MITF: variants seen among roughly 807,000 people sequenced by gnomAD.
The protein encoded by MITF is melanocyte inducing transcription factor.
A neutral mutation model predicts 60.5 loss-of-function variants in MITF; 17 were observed. That is an observed-to-expected ratio of 0.28 (90% confidence interval 0.19 to 0.42). The LOEUF (loss-of-function observed/expected upper bound fraction) is 0.42, where lower values mean the gene tolerates loss of function less well. Ranked by LOEUF, MITF falls within the 10% of genes least tolerant of loss-of-function variation. The pLI is 1.00. For missense variants in MITF, 622 were observed against 683.5 expected (o/e 0.91, Z 1.00); for synonymous variants, 260 against 248.5 (o/e 1.05, Z -0.43).
intron 1 of MITF, among the ~76,000 whole-genome samples, chr3:69,781,612 A>C (rs1270335804): frequency 6.6e-6 from 1 of 152,168 alleles, no homozygotes; most frequent in Admixed American, 6.5e-5. Context: ...TTTTTCCGAT[A>C]AAGGGCCATT....
At chr3:69,780,584 A>G (rs2062547338) in intron 1 of MITF, among the ~76,000 whole-genome samples, 2 of 152,170 alleles carry the variant, frequency 1.3e-5, no homozygotes, top group Non-Finnish European at 2.9e-5. Flanking sequence ...TGGAATTGCC[A>G]TTAGATGATG....
At chr3:69,884,541 A>G (rs193130135) in intron 2 of MITF, among the ~76,000 whole-genome samples, 93 of 152,260 alleles carry the variant, frequency 6.1e-4, no homozygotes, top group African/African-American at 1.9e-3. Context: ...ATGTGTAAGT[A>G]TGTACCAGCT....
At chr3:69,806,250 AATTTTTGT>A (rs903248711) in intron 1 of MITF, among the ~76,000 whole-genome samples, 33 of 151,850 alleles carry the variant, frequency 2.2e-4, no homozygotes, top group Admixed American at 1.4e-3. Flanking sequence ...ATGCCTGGCT[AATTTTTGT>A]ATTTTTTTGG....
chr3:69,846,485 G>A (rs1040207996), intron 1 of MITF, among the ~76,000 whole-genome samples: 1 of 152,104 alleles, frequency 6.6e-6, no homozygotes, highest in Non-Finnish European at 1.5e-5. Context: ...TATTTGTGCA[G>A]TTAACAGATA....
chr3:69,932,522 C>T (rs372464520), intron 2 of MITF, among the ~76,000 whole-genome samples: 6 of 152,106 alleles, frequency 3.9e-5, no homozygotes, highest in East Asian at 3.9e-4. Context: ...ATAGCCATTT[C>T]GAACCTTTCT....
chr3:69,949,035 G>C lies in MITF; in HGVS notation c.763-16G>C, dbSNP rs548789546. 8.3e-6 allele frequency: 13 copies of C among 1,570,424 alleles called. No individual in the cohort carries two copies. In the East Asian group the frequency reaches 2.5e-4, roughly 30 times the overall value. ...TGTTCAACAGTTAATTTCTGTTACTGTTTGTCTCTCTCTAGTTGCCTGTCT... is the reference window on the plus strand; with the variant it reads ...TGTTCAACAGTTAATTTCTGTTACTCTTTGTCTCTCTCTAGTTGCCTGTCT... On this transcript the variant is annotated splice_polypyrimidine_tract_variant and intron_variant, in intron 5 of 9. Transcript: ENST00000352241.
intron 1 of MITF, among the ~76,000 whole-genome samples, chr3:69,842,481 G>A (rs1028793462): frequency 2.0e-5 from 3 of 152,138 alleles, no homozygotes; most frequent in Non-Finnish European, 4.4e-5. Flanking sequence ...ATTATGCAGT[G>A]GTAGAAGGAA....
intron 2 of MITF, chr3:69,936,864 C>G: frequency 9.8e-7 from 1 of 1,023,572 alleles, no homozygotes; most frequent in Non-Finnish European, 1.5e-6. Context: ...AAGTATAAAT[C>G]TGCTCTTTTA....
intron 2 of MITF, chr3:69,936,810 T>C: frequency 3.9e-6 from 6 of 1,528,924 alleles, no homozygotes; most frequent in Non-Finnish European, 5.4e-6. Context: ...AATAAATTGA[T>C]TTAATCCACT....
Position 69,871,014 on chromosome 3 carries a change from C to G in MITF, c.105-8120C>G, listed in dbSNP as rs868356129. The stretch of plus-strand genomic sequence containing the variant: ...TAAGAAAAAATGGAGTTTGATTGGC[C>G]CTCGTGAAGTCCTTGTCCAGGGTTA... On this transcript the variant is annotated intron_variant, in intron 1 of 9. Transcript: ENST00000352241. Among the ~76,000 whole-genome samples the G allele has an allele frequency of 2.0e-5, 3 of 152,062 alleles. No individual in the cohort carries two copies. The South Asian group carries it at 6.2e-4, about 32-fold the overall frequency.
At chr3:69,787,540 T>C (rs568665882) in intron 1 of MITF, among the ~76,000 whole-genome samples, 5 of 152,232 alleles carry the variant, frequency 3.3e-5, no homozygotes, top group Non-Finnish European at 7.3e-5. Context: ...TTCCACTTTT[T>C]GAAAAGTCTT....
Position 69,968,065 on chromosome 3 carries a change from A to G in MITF, c.*2817A>G, listed in dbSNP as rs1387871221. ...CATAGGAAGTTAAAAGCACAAAGGAATGAACTTATTAATATTTTTGAAAAA... is the reference window on the plus strand; with the variant it reads ...CATAGGAAGTTAAAAGCACAAAGGAGTGAACTTATTAATATTTTTGAAAAA... On this transcript the variant is annotated 3_prime_UTR_variant, in exon 10 of 10. Coordinates refer to ENST00000352241, the MANE Select transcript of MITF (RefSeq NM_001354604.2). 1 of 233,592 alleles carries G rather than the reference A, an allele frequency of 4.3e-6. No individual in the cohort carries two copies. The highest frequency in any genetic ancestry group is 8.5e-6 in the Non-Finnish European group (1 of 117,962). 14.5% of individuals were successfully genotyped at this position (233,592 alleles called of 1,614,324 possible). A position where few individuals can be genotyped will look rare whatever the true frequency, so the allele number is the denominator to read the frequency against.
Position 69,793,213 on chromosome 3 carries a change from G to A in MITF, c.104+53512G>A, listed in dbSNP as rs180808334. On this transcript the variant is annotated intron_variant, in intron 1 of 9. Transcript: ENST00000352241. ...GTATTTTTTGTAGAGATGGGGTTTC[G>A]CCATGTTGCCCAGGCTGGTCTTGAA... 4.7e-3 allele frequency among the ~76,000 whole-genome samples: 709 copies of A among 151,670 alleles called. 9 individuals carry two copies. The highest frequency in any genetic ancestry group is 0.017 in the African/African-American group (684 of 41,382).
intron 1 of MITF, among the ~76,000 whole-genome samples, chr3:69,756,162 A>C (rs1002782880): frequency 2.6e-5 from 4 of 152,104 alleles, no homozygotes; most frequent in African/African-American, 2.4e-5. Flanking sequence ...CATGTGCAGA[A>C]TGTGCAGGTT....
At chr3:69,955,588 T>C (rs568651066) in intron 7 of MITF, among the ~76,000 whole-genome samples, 7 of 152,000 alleles carry the variant, frequency 4.6e-5, no homozygotes, top group Non-Finnish European at 7.4e-5. Context: ...CTGAGGCGGA[T>C]AGATCACTTG....
chr3:69,785,624 A>G (rs2106893167), intron 1 of MITF, among the ~76,000 whole-genome samples: 1 of 152,268 alleles, frequency 6.6e-6, no homozygotes, highest in Admixed American at 6.5e-5. Context: ...TCCTTAAATC[A>G]CATCAGAACT....
At chr3:69,789,051 G>A (rs140752737) in intron 1 of MITF, among the ~76,000 whole-genome samples, 198 of 152,138 alleles carry the variant, frequency 1.3e-3, no homozygotes, top group African/African-American at 4.2e-3. Flanking sequence ...TTTATTGTAT[G>A]TAACACCAAA....
At chr3:69,824,905 G>A (rs2063331145) in intron 1 of MITF, among the ~76,000 whole-genome samples, 1 of 152,190 alleles carries the variant, frequency 6.6e-6, no homozygotes, top group Non-Finnish European at 1.5e-5. Context: ...CAACTTCCCT[G>A]CCTCCAGATT....
At chr3:69,860,775 C>T (rs139721465) in intron 1 of MITF, among the ~76,000 whole-genome samples, 3 of 152,286 alleles carry the variant, frequency 2.0e-5, no homozygotes, top group East Asian at 1.9e-4. Context: ...TGGGCTGCAT[C>T]CCAATCAGGT....
Sources: allele counts gnomAD v4.1 joint callset (sites outside exome capture counted in the v4.1 genomes callset), GRCh38; gene constraint gnomAD v4.1.1; transcripts MANE v1.5; gene names NCBI Gene and HGNC (gene_info 2026-07-23, HGNC 2026-07-21).